KCMF1: variants seen among roughly 807,000 people sequenced by gnomAD.
KCMF1 encodes potassium channel modulatory factor 1.
In KCMF1, 3 loss-of-function variants were observed where a neutral mutation model predicts 41.1. The observed-to-expected ratio is 0.07, with a 90% CI of 0.03 to 0.19. KCMF1 has a LOEUF of 0.19. Ranked by LOEUF, KCMF1 falls within the 10% of genes least tolerant of loss-of-function variation. The pLI, the probability that KCMF1 is intolerant of heterozygous loss-of-function variation, is 1.00. For missense variants in KCMF1, 286 were observed against 488.9 expected (o/e 0.58, Z 3.91); for synonymous variants, 142 against 164.5 (o/e 0.86, Z 1.04).
chr2:84,996,507 C>T (rs1021221415), intron 1 of KCMF1, among the ~76,000 whole-genome samples: 7 of 146,384 alleles, frequency 4.8e-5, no homozygotes, highest in African/African-American at 1.8e-4. Flanking sequence ...GCAATCCCGG[C>T]TCACTGGAAC....
At chr2:85,015,870 G>A (rs994250277) in intron 1 of KCMF1, among the ~76,000 whole-genome samples, 1 of 152,126 alleles carries the variant, frequency 6.6e-6, no homozygotes, top group Non-Finnish European at 1.5e-5. Context: ...CTAGAGGGAC[G>A]ACCTCTGTGT....
At chr2:85,044,161 T>C (rs1305577423) in intron 4 of KCMF1, among the ~76,000 whole-genome samples, 1 of 152,198 alleles carries the variant, frequency 6.6e-6, no homozygotes, top group Non-Finnish European at 1.5e-5. Context: ...TAGTTAAATA[T>C]GAAGAGGCAT....
intron 1 of KCMF1, among the ~76,000 whole-genome samples, chr2:84,983,930 C>T (rs969144026): frequency 1.3e-5 from 2 of 152,144 alleles, no homozygotes; most frequent in Admixed American, 6.5e-5. Flanking sequence ...GGAGTGAGTC[C>T]CTATTCCCAG....
intron 1 of KCMF1, among the ~76,000 whole-genome samples, chr2:85,008,422 GATAT>G (rs1401955086): frequency 2.2e-5 from 1 of 45,756 alleles, no homozygotes; most frequent in East Asian, 4.9e-4. Flanking sequence ...TATATTATGT[GATAT>G]ATATGATATA....
At chr2:84,971,885 C>T (rs1205817371) in intron 1 of KCMF1, 6 of 151,888 alleles carry the variant, frequency 4.0e-5, no homozygotes, top group African/African-American at 1.5e-4. Flanking sequence ...GTCGCAGAGC[C>T]GGGCCGCGGG....
intron 1 of KCMF1, among the ~76,000 whole-genome samples, chr2:85,022,422 C>T (rs1177039573): frequency 5.9e-5 from 9 of 152,016 alleles, no homozygotes; most frequent in Non-Finnish European, 1.2e-4. Flanking sequence ...TGTAGTGAGC[C>T]GAGATTGTGC....
chr2:84,996,919 A>T (rs1171194188), intron 1 of KCMF1, among the ~76,000 whole-genome samples: 1 of 152,192 alleles, frequency 6.6e-6, no homozygotes, highest in Non-Finnish European at 1.5e-5. Flanking sequence ...GGTATAGCCT[A>T]CTACACATCT....
chr2:85,022,676 G>T (rs183313952), intron 1 of KCMF1, among the ~76,000 whole-genome samples: 1 of 152,052 alleles, frequency 6.6e-6, no homozygotes, highest in African/African-American at 2.4e-5. Context: ...CAAAAGAGAA[G>T]AATGGTACTA....
At chr2:85,009,037 G>A (rs893682740) in intron 1 of KCMF1, among the ~76,000 whole-genome samples, 18 of 151,950 alleles carry the variant, frequency 1.2e-4, no homozygotes, top group African/African-American at 3.1e-4. Context: ...GCCTTGATGC[G>A]TACTTTTGTA....
chr2:84,985,467 C>G (rs1296187022), intron 1 of KCMF1, among the ~76,000 whole-genome samples: 1 of 152,212 alleles, frequency 6.6e-6, no homozygotes, highest in Non-Finnish European at 1.5e-5. Flanking sequence ...CTCTATTACT[C>G]TATTTAACTG....
At chr2:85,041,125 T>C (rs1675521572) in intron 3 of KCMF1, among the ~76,000 whole-genome samples, 1 of 152,186 alleles carries the variant, frequency 6.6e-6, no homozygotes, top group Non-Finnish European at 1.5e-5. Context: ...TAATTTCTTA[T>C]CCTCAGTAAT....
intron 3 of KCMF1, among the ~76,000 whole-genome samples, chr2:85,038,902 T>C (rs986614577): frequency 6.6e-6 from 1 of 152,204 alleles, no homozygotes; most frequent in Admixed American, 6.5e-5. Context: ...AATATTTTGG[T>C]AGAGACTTCG....
chr2:85,010,924 A>G (rs1574022982), intron 1 of KCMF1, among the ~76,000 whole-genome samples: 2 of 150,996 alleles, frequency 1.3e-5, no homozygotes, highest in South Asian at 4.2e-4. Flanking sequence ...GCTCACTGCA[A>G]CCTCCACCTC....
In KCMF1 at chr2:85,040,768, CT is replaced by C. The variant is rs142252238; in HGVS notation, c.325-2782del. 6.8e-3 allele frequency among the ~76,000 whole-genome samples: 964 copies of C among 142,500 alleles called. 6 individuals carry two copies. Among genetic ancestry groups the C allele is most frequent in the Middle Eastern group, 0.015 (4 of 274 alleles). The allele number at this position is 142,500 out of a possible 152,430, so 93.5% of individuals were successfully genotyped here. ...GCCTCTTGATTTTCTTTTTTCTTTT[CT>C]TTTTTTTTTTTTTGAGATGGAGTCT... On this transcript the variant is annotated intron_variant, in intron 3 of 6. Coordinates refer to ENST00000409785, the MANE Select transcript of KCMF1 (RefSeq NM_020122.5).
intron 1 of KCMF1, among the ~76,000 whole-genome samples, chr2:84,990,895 G>C (rs1674025552): frequency 6.6e-6 from 1 of 152,098 alleles, no homozygotes; most frequent in Non-Finnish European, 1.5e-5. Context: ...GGACATTTTA[G>C]GCCTTGGTGA....
chr2:85,006,746 G>A (rs1381760242), intron 1 of KCMF1, among the ~76,000 whole-genome samples: 2 of 152,006 alleles, frequency 1.3e-5, no homozygotes, highest in Non-Finnish European at 2.9e-5. Flanking sequence ...TTAGAAGAGT[G>A]TACAAAAGTA....
intron 2 of KCMF1, among the ~76,000 whole-genome samples, chr2:85,032,089 AT>A (rs149925984): frequency 1.6e-3 from 246 of 150,648 alleles, no homozygotes; most frequent in African/African-American, 5.5e-3. Context: ...CAAACAATTG[AT>A]TTTTTTTTTC....
intron 1 of KCMF1, among the ~76,000 whole-genome samples, chr2:85,019,880 G>A (rs1674888646): frequency 1.3e-5 from 2 of 151,466 alleles, no homozygotes; most frequent in South Asian, 4.2e-4. Flanking sequence ...ATCATAAAAG[G>A]CCTTTCGGTG....
intron 1 of KCMF1, chr2:84,971,992 G>C (rs1573998102): frequency 6.6e-6 from 1 of 152,224 alleles, no homozygotes; most frequent in Middle Eastern, 3.4e-3. Context: ...GCGACCGCGG[G>C]GCTGGCGGGA....
Sources: allele counts gnomAD v4.1 joint callset (sites outside exome capture counted in the v4.1 genomes callset), GRCh38; gene constraint gnomAD v4.1.1; transcripts MANE v1.5; gene names NCBI Gene and HGNC (gene_info 2026-07-23, HGNC 2026-07-21).